TOX3: variants seen among roughly 807,000 people sequenced by gnomAD.
The protein encoded by TOX3 is CAG trinucleotide repeat-containing gene F9 protein.
A neutral mutation model predicts 64.3 loss-of-function variants in TOX3; 22 were observed. The ratio of observed to expected loss-of-function variants is 0.34; its 90% CI spans 0.24 to 0.49. The LOEUF is 0.49. TOX3 is among the 20% of genes least tolerant of loss of function. The pLI is 0.99. For missense variants in TOX3, 661 were observed against 714.4 expected, an observed-to-expected ratio of 0.93 and a Z score of 0.85; for synonymous variants, 291 against 273.6, an observed-to-expected ratio of 1.06 and a Z score of -0.63.
At chr16:52,546,355 G>A (rs1455633238) in intron 1 of TOX3, among the ~76,000 whole-genome samples, 1 of 151,676 alleles carries the variant, frequency 6.6e-6, no homozygotes, top group East Asian at 1.9e-4. Context: ...TTCAGTCCTC[G>A]GGCTCTCTTC....
At chr16:52,517,307 T>C (rs972671713) in intron 1 of TOX3, among the ~76,000 whole-genome samples, 4 of 152,146 alleles carry the variant, frequency 2.6e-5, no homozygotes, top group Admixed American at 1.3e-4. Context: ...TCATACAACT[T>C]TGACCAGGAA....
chr16:52,536,670 T>C (rs3112582), intron 1 of TOX3, among the ~76,000 whole-genome samples: 2 of 106,902 alleles, frequency 1.9e-5, no homozygotes, highest in African/African-American at 3.5e-5. Flanking sequence ...TATATATATA[T>C]ATATATACAT....
intron 1 of TOX3, among the ~76,000 whole-genome samples, chr16:52,483,542 C>T (rs1240164469): frequency 6.7e-6 from 1 of 149,006 alleles, no homozygotes; most frequent in East Asian, 2.0e-4. Context: ...AAGTTGCTTC[C>T]TCTATTAGAC....
At chr16:52,445,858 T>C (rs957839950) in intron 5 of TOX3, 136 bp downstream of exon 5, 206 of 834,116 alleles carry the variant, frequency 2.5e-4, no homozygotes, top group Non-Finnish European at 5.5e-5. Context: ...TCTGGGTTTT[T>C]AAATTCCATT....
chr16:52,518,245 T>G (rs1962508382), intron 1 of TOX3, among the ~76,000 whole-genome samples: 1 of 152,214 alleles, frequency 6.6e-6, no homozygotes, highest in Non-Finnish European at 1.5e-5. Flanking sequence ...TAATTACTAT[T>G]CTCTGGTAAA....
chr16:52,475,947 G>A (rs936113340), intron 1 of TOX3, among the ~76,000 whole-genome samples: 21 of 152,110 alleles, frequency 1.4e-4, no homozygotes, highest in Admixed American at 1.2e-3. Flanking sequence ...ATTTGAGAAC[G>A]ACTAGCCTAG....
chr16:52,485,086 T>C (rs933306482), intron 1 of TOX3, among the ~76,000 whole-genome samples: 2 of 150,056 alleles, frequency 1.3e-5, no homozygotes, highest in African/African-American at 4.9e-5. Context: ...TATACATGTA[T>C]GTGTGTGTAT....
intron 1 of TOX3, among the ~76,000 whole-genome samples, chr16:52,483,605 G>A (rs563121985): frequency 8.6e-6 from 1 of 116,872 alleles, no homozygotes; most frequent in East Asian, 2.9e-4. Context: ...GTCTTGCTCT[G>A]TCGCCCAGGC....
intron 1 of TOX3, among the ~76,000 whole-genome samples, chr16:52,536,231 T>C (rs528643532): frequency 6.6e-6 from 1 of 152,126 alleles, no homozygotes; most frequent in Admixed American, 6.5e-5. Flanking sequence ...TCAAATAGGG[T>C]ACATGCTATG....
chr16:52,439,774 C>A lies in TOX3; in HGVS notation c.1182G>T (p.Met394Ile). The change falls in exon 7 of 7, where the codon ATG becomes ATT. Residue 394 changes from methionine to isoleucine, a missense_variant. Around this residue, in one of 3 missense-constraint regions of TOX3, gnomAD observed 299 missense variants for 292.1 expected, o/e 1.02. Transcript: ENST00000219746. Reference sequence around the variant, plus strand: ...TGGTGACTGATGTGACAATCTGGTTCATGGGGAGTCTCATGGTTAAGGGTT... The same window carrying A: ...TGGTGACTGATGTGACAATCTGGTTAATGGGGAGTCTCATGGTTAAGGGTT... ...APKPLTMRLP[M>I]NQIVTSVTIA... The A allele has an allele frequency of 6.2e-7, 1 of 1,613,912 alleles. No homozygotes were observed. The highest frequency in any genetic ancestry group is 1.3e-5 in the African/African-American group (1 of 75,024).
At chr16:52,478,331 C>T (rs1190508281) in intron 1 of TOX3, among the ~76,000 whole-genome samples, 1 of 152,162 alleles carries the variant, frequency 6.6e-6, no homozygotes, top group Non-Finnish European at 1.5e-5. Context: ...ACTCATTGCA[C>T]TTGCTGTTCT....
At chr16:52,506,774 A>G (rs1262633380) in intron 1 of TOX3, among the ~76,000 whole-genome samples, 2 of 152,214 alleles carry the variant, frequency 1.3e-5, no homozygotes, top group Non-Finnish European at 2.9e-5. Context: ...ATTTAAAAAC[A>G]TGATTGAATC....
chr16:52,437,092 A>G lies in TOX3; in HGVS notation c.*2133T>C, dbSNP rs1285382874. 6.6e-6 allele frequency: 1 copy of G among 152,220 alleles called. No homozygotes were observed. The highest frequency in any genetic ancestry group is 1.5e-5 in the Non-Finnish European group (1 of 68,042). 9.4% of individuals were successfully genotyped at this position (152,220 alleles called of 1,614,324 possible). On this transcript the variant is annotated 3_prime_UTR_variant, in exon 7 of 7. Coordinates refer to ENST00000219746, the MANE Select transcript of TOX3 (RefSeq NM_001080430.4). ...GTGGAATACAATCACTCCCTTGTAGATGTAATTAGGCATCATTCTAAGGCT... is the reference window on the plus strand; with the variant it reads ...GTGGAATACAATCACTCCCTTGTAGGTGTAATTAGGCATCATTCTAAGGCT...
In TOX3 at chr16:52,546,874, G is replaced by A. The variant is rs922788689; in HGVS notation, c.-151C>T. 1.0e-4 allele frequency: 122 copies of A among 1,184,620 alleles called. No homozygotes were observed. In the African/African-American group the frequency reaches 1.7e-3, roughly 17 times the overall value. 73.4% of individuals were successfully genotyped at this position (1,184,620 alleles called of 1,614,324 possible). ...GGGGCGCCGGGACCCAGAGCCCGAGGAGCTCGGGAGCCGCGGCCGCCGCAC... is the reference window on the plus strand; with the variant it reads ...GGGGCGCCGGGACCCAGAGCCCGAGAAGCTCGGGAGCCGCGGCCGCCGCAC... On this transcript the variant is annotated 5_prime_UTR_variant, in exon 1 of 7. Transcript: ENST00000219746.
Position 52,439,327 on chromosome 16 carries a change from G to A in TOX3, c.1629C>T (p.Pro543=). Residue 543 remains proline (P), a synonymous_variant, in exon 7 of 7, where the codon CCC becomes CCT. Transcript: ENST00000219746. ...HSPVASQITS[P]IPAIGSPQPA... The stretch of plus-strand genomic sequence containing the variant: ...GCTGGGGGCTCCCGATGGCAGGGAT[G>A]GGGGATGTTATCTGAGAGGCGACAG... 4 of 1,613,460 alleles carry A rather than the reference G, an allele frequency of 2.5e-6. No homozygotes were observed. Among genetic ancestry groups the A allele is most frequent in the Non-Finnish European group, 3.4e-6 (4 of 1,179,606 alleles).
At position 52,439,005 on chromosome 16, in the gene TOX3, C is replaced by G. The variant is rs769707348; in HGVS notation, c.*220G>C. On this transcript the variant is annotated 3_prime_UTR_variant, in exon 7 of 7. Transcript: ENST00000219746. The stretch of plus-strand genomic sequence containing the variant: ...AAAGGCATCACATAAAAGAGCACAG[C>G]TTTTCTTGTTTAAAAACAAAGTGAT... The G allele has an allele frequency of 1.3e-6, 1 of 745,852 alleles. No individual in the cohort carries two copies. Among genetic ancestry groups the G allele is most frequent in the Non-Finnish European group, 2.4e-6 (1 of 419,800 alleles). The allele number at this position is 745,852 out of a possible 1,614,324, so 46.2% of individuals were successfully genotyped here.
intron 1 of TOX3, among the ~76,000 whole-genome samples, chr16:52,528,532 G>T (rs762018778): frequency 1.3e-5 from 2 of 152,032 alleles, no homozygotes; most frequent in African/African-American, 4.8e-5. Flanking sequence ...TGGAACCCCA[G>T]TTCAAACCGG....
intron 1 of TOX3, among the ~76,000 whole-genome samples, chr16:52,498,795 G>A (rs1961921105): frequency 6.6e-6 from 1 of 152,190 alleles, no homozygotes; most frequent in Non-Finnish European, 1.5e-5. Context: ...GCATCGCCAC[G>A]GTGGCAGGGA....
chr16:52,541,432 G>C (rs1002453610), intron 1 of TOX3, among the ~76,000 whole-genome samples: 8 of 152,148 alleles, frequency 5.3e-5, no homozygotes, highest in Admixed American at 1.3e-4. Context: ...TGTGAAACAG[G>C]CCGTGATGAA....
Sources: allele counts gnomAD v4.1 joint callset (sites outside exome capture counted in the v4.1 genomes callset), GRCh38; gene constraint gnomAD v4.1.1; regional missense constraint gnomAD v4.1.1; transcripts MANE v1.5; gene names NCBI Gene and HGNC (gene_info 2026-07-23, HGNC 2026-07-21).